Variants in HERC5 observed in about 807,000 individuals in gnomAD.
HERC5 encodes HECT and RLD domain containing E3 ubiquitin protein ligase 5, also known as E3 ISG15--protein ligase HERC5.
A neutral mutation model predicts 119.6 loss-of-function variants in HERC5; 99 were observed. That is an observed-to-expected ratio of 0.83 (90% CI 0.70 to 0.98). The LOEUF is 0.98. Ranked by LOEUF, HERC5 falls within the 50% of genes least tolerant of loss-of-function variation. The probability of loss-of-function intolerance (pLI) is 0.00; values close to 1 mark genes in which losing one functional copy is unlikely to be tolerated. For synonymous variants in HERC5, 478 were observed against 445.9 expected (o/e 1.07, Z -0.91); for missense variants, 1,267 against 1,241.3 (o/e 1.02, Z -0.31).
At chr4:88,495,220 G>A (rs1168006636) in intron 18 of HERC5, among the ~76,000 whole-genome samples, 1 of 152,052 alleles carries the variant, frequency 6.6e-6, no homozygotes, top group African/African-American at 2.4e-5. Flanking sequence ...GTATACTTAT[G>A]CAAATGGAAT....
At chr4:88,461,564 ACT>A (rs1409312371) in intron 3 of HERC5, among the ~76,000 whole-genome samples, 1 of 152,042 alleles carries the variant, frequency 6.6e-6, no homozygotes, top group African/African-American at 2.4e-5. Flanking sequence ...ATTTTTTTAG[ACT>A]CTATTAGATA....
At chr4:88,498,344 A>G (rs1412930792) in intron 18 of HERC5, among the ~76,000 whole-genome samples, 3 of 152,198 alleles carry the variant, frequency 2.0e-5, no homozygotes, top group Admixed American at 6.5e-5. Flanking sequence ...TTTGCCCAGC[A>G]AAGTCATGGG....
At chr4:88,464,955 A>G (rs1740603996) in intron 6 of HERC5, among the ~76,000 whole-genome samples, 1 of 151,962 alleles carries the variant, frequency 6.6e-6, no homozygotes, top group Non-Finnish European at 1.5e-5. Flanking sequence ...TATTTTTAGT[A>G]AAGACGGGGT....
chr4:88,469,325 C>A, intron 9 of HERC5, 65 bp downstream of exon 9: 1 of 1,064,294 alleles, frequency 9.4e-7, no homozygotes, highest in Non-Finnish European at 1.5e-6. Flanking sequence ...CAAACTGGTT[C>A]TGCACAGCAA....
At chr4:88,483,417 A>T (rs751044987) in intron 13 of HERC5, among the ~76,000 whole-genome samples, 4 of 151,596 alleles carry the variant, frequency 2.6e-5, no homozygotes, top group Non-Finnish European at 5.9e-5. Flanking sequence ...TATGTTGCTC[A>T]GGCTGGTCTT....
At position 88,480,446 on chromosome 4, in the gene HERC5, T is replaced by G. The variant is rs538208133; in HGVS notation, c.1737+939T>G. On this transcript the variant is annotated intron_variant, in intron 13 of 22. Transcript: ENST00000264350. ...TGCTGTTTGCAATTCTTGTGTGTGT[T>G]TTTTTTTTTTGTCTTGTTGGGAGTT... Among the ~76,000 whole-genome samples, 56 of 149,466 alleles carry G rather than the reference T, an allele frequency of 3.7e-4. 1 individual carries two copies. The highest frequency in any genetic ancestry group is 8.6e-4 in the Admixed American group (13 of 15,080).
At chr4:88,494,400 C>G (rs74876955) in intron 18 of HERC5, 69 bp downstream of exon 18, 3 of 1,253,008 alleles carry the variant, frequency 2.4e-6, no homozygotes, top group Non-Finnish European at 3.4e-6. Flanking sequence ...TAAGTACACA[C>G]GCTTCATAAT....
At chr4:88,459,958 G>T (rs576745542) in intron 2 of HERC5, 137 bp from the exon 3 acceptor site, 2 of 514,168 alleles carry the variant, frequency 3.9e-6, no homozygotes, top group East Asian at 3.5e-5. Context: ...AATAATTTTA[G>T]ATGTACTGAA....
intron 5 of HERC5, 108 bp from the exon 6 acceptor site, chr4:88,463,747 G>A (rs1346419109): frequency 1.3e-5 from 19 of 1,408,478 alleles, no homozygotes; most frequent in Non-Finnish European, 1.7e-5. Context: ...CTGATATTTA[G>A]GAGCTTTACT....
At chr4:88,499,249 C>T (rs1741883758) in intron 18 of HERC5, among the ~76,000 whole-genome samples, 1 of 152,140 alleles carries the variant, frequency 6.6e-6, no homozygotes, top group South Asian at 2.1e-4. Flanking sequence ...ACTTTACATC[C>T]CCTATGCCTG....
At chr4:88,478,851 A>G (rs1189181553) in intron 12 of HERC5, among the ~76,000 whole-genome samples, 1 of 152,112 alleles carries the variant, frequency 6.6e-6, no homozygotes, top group Non-Finnish European at 1.5e-5. Flanking sequence ...AGCTCAGACA[A>G]TCCACCTGCC....
Position 88,487,182 on chromosome 4 carries a change from A to T in HERC5, c.1962+3A>T. The T allele has an allele frequency of 7.0e-7, 1 of 1,428,958 alleles. No individual in the cohort carries two copies. Among genetic ancestry groups the T allele is most frequent in the Non-Finnish European group, 9.9e-7 (1 of 1,013,310 alleles). 88.5% of individuals were successfully genotyped at this position (1,428,958 alleles called of 1,614,324 possible). A position where few individuals can be genotyped will look rare whatever the true frequency, so the allele number is the denominator to read the frequency against. Reference sequence around the variant, plus strand: ...CAGACACACTTTTAAAAATAGAGGTATGTATGCCTATTTGTCTTCATTAGC... The same window carrying T: ...CAGACACACTTTTAAAAATAGAGGTTTGTATGCCTATTTGTCTTCATTAGC... On this transcript the variant is annotated splice_donor_region_variant and intron_variant, in intron 15 of 22. Transcript: ENST00000264350.
intron 14 of HERC5, among the ~76,000 whole-genome samples, chr4:88,486,608 A>T (rs1741474051): frequency 6.6e-6 from 1 of 152,190 alleles, no homozygotes; most frequent in South Asian, 2.1e-4. Flanking sequence ...TTCTGAAAAT[A>T]CAGTTGAAGG....
chr4:88,471,948 T>TCCTCCCTC (rs895192665), intron 10 of HERC5, among the ~76,000 whole-genome samples: 4 of 148,746 alleles, frequency 2.7e-5, no homozygotes, highest in South Asian at 2.2e-4. Context: ...CTCCCTTCTT[T>TCCTCCCTC]CCTCCCTCCC....
Position 88,504,219 on chromosome 4 carries a change from T to G in HERC5, c.2583-13T>G. The G allele has an allele frequency of 6.5e-7, 1 of 1,533,166 alleles. No homozygotes were observed. Among genetic ancestry groups the G allele is most frequent in the South Asian group, 1.2e-5 (1 of 85,934 alleles). 95.0% of individuals were successfully genotyped at this position (1,533,166 alleles called of 1,614,324 possible). ...ATTGCAGTAAGTGGAAATAACATTT[T>G]GTTTTATTAAAGGAGAGACTATGTT... On this transcript the variant is annotated splice_polypyrimidine_tract_variant and intron_variant, in intron 20 of 22. Coordinates refer to ENST00000264350, the MANE Select transcript of HERC5 (RefSeq NM_016323.4).
At chr4:88,470,416 A>C (rs914297213) in intron 9 of HERC5, among the ~76,000 whole-genome samples, 198 bp from the exon 10 acceptor site, 1 of 152,304 alleles carries the variant, frequency 6.6e-6, no homozygotes. Flanking sequence ...TTTGCCACTG[A>C]AATTTTGAGA....
intron 19 of HERC5, 48 bp downstream of exon 19, chr4:88,500,040 C>A: frequency 1.8e-6 from 2 of 1,131,648 alleles, no homozygotes; most frequent in Non-Finnish European, 1.3e-6. Context: ...ATCTGATTAA[C>A]CCTTTACATA....
At position 88,493,114 on chromosome 4, in the gene HERC5, A is replaced by C. The variant is rs754890021; in HGVS notation, c.2236A>C (p.Met746Leu). Residue 746 changes from methionine to leucine, a missense_variant, in exon 17 of 23, where the codon ATG (methionine) becomes CTG (leucine). This residue lies in a region of HERC5 where 473 missense variants were observed against 445.7 expected (regional missense o/e 1.06). Transcript: ENST00000264350. ...EMIQPEYGMF[M>L]YPEGASCMWF... The stretch of plus-strand genomic sequence containing the variant: ...GATCCAGCCGGAATATGGGATGTTC[A>C]TGTATCCTGAAGGGGCTTCCTGCAT... 2.5e-6 allele frequency: 4 copies of C among 1,614,078 alleles called. No individual in the cohort carries two copies. The South Asian group carries it at 4.4e-5, about 18-fold the overall frequency.
At chr4:88,491,653 C>T (rs867240731) in intron 16 of HERC5, among the ~76,000 whole-genome samples, 5 of 152,124 alleles carry the variant, frequency 3.3e-5, no homozygotes, top group Non-Finnish European at 7.4e-5. Flanking sequence ...AGTTCTTGTT[C>T]TTCTTGGAGA....
Sources: gnomAD v4.1 joint callset for allele counts (sites outside exome capture counted in the v4.1 genomes callset) on GRCh38, gnomAD v4.1.1 for gene constraint, gnomAD v4.1.1 regional missense constraint, MANE v1.5 for transcripts, NCBI Gene and HGNC (gene_info 2026-07-23, HGNC 2026-07-21) for gene names.